Variants in FAR2 observed in about 807,000 individuals in gnomAD.
FAR2 encodes fatty acyl-CoA reductase 2.
Under a neutral mutation model 56.0 loss-of-function variants are expected in FAR2, and 19 were observed. The ratio of observed to expected loss-of-function variants is 0.34; its 90% CI spans 0.24 to 0.50. The LOEUF is 0.50. Among genes scored for constraint, FAR2 ranks in the 20% least tolerant of loss-of-function variants. FAR2 has a pLI of 0.98. For synonymous variants in FAR2, 219 were observed against 218.8 expected, an observed-to-expected ratio of 1.00 and a Z score of -0.01; for missense variants, 508 against 642.2, an observed-to-expected ratio of 0.79 and a Z score of 2.26.
chr12:29,203,310 T>C (rs7137556), intron 1 of FAR2, among the ~76,000 whole-genome samples: 41,362 of 152,100 alleles, frequency 0.27, 5,917 homozygotes, highest in East Asian at 0.5. Context: ...CCTACCACAG[T>C]GTAACTGCTT....
intron 1 of FAR2, among the ~76,000 whole-genome samples, chr12:29,217,991 G>GAGA (rs1279073893): frequency 6.6e-6 from 1 of 152,036 alleles, no homozygotes; most frequent in Non-Finnish European, 1.5e-5. Context: ...CAAAGAGGAG[G>GAGA]AGGAGGAGGA....
intron 4 of FAR2, among the ~76,000 whole-genome samples, chr12:29,306,195 T>C (rs1445775792): frequency 1.3e-5 from 2 of 152,140 alleles, no homozygotes; most frequent in East Asian, 1.9e-4. Context: ...CAGGTGACCA[T>C]ATAATTAAAA....
intron 1 of FAR2, among the ~76,000 whole-genome samples, chr12:29,238,323 A>G (rs1947972707): frequency 6.6e-6 from 1 of 152,176 alleles, no homozygotes; most frequent in South Asian, 2.1e-4. Context: ...TTTTAACACT[A>G]AGATACCCAA....
At chr12:29,236,732 G>A (rs1947949115) in intron 1 of FAR2, among the ~76,000 whole-genome samples, 1 of 151,750 alleles carries the variant, frequency 6.6e-6, no homozygotes, top group South Asian at 2.1e-4. Flanking sequence ...TACAATTCCA[G>A]ATGAGATTTG....
At chr12:29,195,928 C>T (rs1383121456) in intron 1 of FAR2, among the ~76,000 whole-genome samples, 1 of 152,138 alleles carries the variant, frequency 6.6e-6, no homozygotes, top group African/African-American at 2.4e-5. Context: ...TTATTTACTT[C>T]CCACTTATAA....
intron 5 of FAR2, among the ~76,000 whole-genome samples, chr12:29,308,715 C>CATATATATATATAT (rs1416754268): frequency 2.3e-5 from 3 of 129,564 alleles, no homozygotes; most frequent in African/African-American, 9.5e-5. Context: ...CACACACACA[C>CATATATATATATAT]ACACATATAT....
chr12:29,307,988 A>C, intron 5 of FAR2, 153 bp downstream of exon 5: 1 of 759,298 alleles, frequency 1.3e-6, no homozygotes, highest in Non-Finnish European at 2.0e-6. Context: ...GCAAAATTCC[A>C]CTTTGGGTTC....
chr12:29,325,680 T>C (rs1157711199), intron 10 of FAR2, among the ~76,000 whole-genome samples: 1 of 152,066 alleles, frequency 6.6e-6, no homozygotes, highest in Non-Finnish European at 1.5e-5. Context: ...AAGGCAGAAA[T>C]AAAGACATTC....
intron 1 of FAR2, among the ~76,000 whole-genome samples, chr12:29,253,778 T>C (rs527376215): frequency 1.3e-5 from 2 of 152,316 alleles, no homozygotes; most frequent in South Asian, 4.1e-4. Context: ...CAAACAATAT[T>C]AACAACAGCT....
chr12:29,297,057 G>A lies in FAR2; in HGVS notation c.402G>A (p.Gln134=). The A allele has an allele frequency of 6.2e-7, 1 of 1,610,676 alleles. No individual in the cohort carries two copies. Among genetic ancestry groups the A allele is most frequent in the Non-Finnish European group, 8.5e-7 (1 of 1,178,888 alleles). ...AVQLNVTATR[Q]LLLMASQMPK... ...AACTTAACGTCACTGCCACCCGGCA[G>A]CTCTTGCTTATGGCTAGTCAGATGC... The change falls in exon 4 of 12, where the codon CAG becomes CAA. Residue 134 remains glutamine (Q), a synonymous_variant. Coordinates refer to ENST00000536681, the MANE Select transcript of FAR2 (RefSeq NM_001271783.2).
intron 2 of FAR2, among the ~76,000 whole-genome samples, chr12:29,274,013 G>T (rs954990257): frequency 2.6e-5 from 4 of 152,042 alleles, no homozygotes; most frequent in Non-Finnish European, 5.9e-5. Context: ...TCTGTTGCTG[G>T]CGAAGGATTC....
intron 1 of FAR2, among the ~76,000 whole-genome samples, chr12:29,176,392 G>A (rs1345252406): frequency 6.6e-6 from 1 of 152,190 alleles, no homozygotes; most frequent in Admixed American, 6.5e-5. Flanking sequence ...GTTTGAATGA[G>A]AACAGTGAAA....
chr12:29,187,000 G>A (rs1324913352), intron 1 of FAR2, among the ~76,000 whole-genome samples: 1 of 152,082 alleles, frequency 6.6e-6, no homozygotes, highest in Non-Finnish European at 1.5e-5. Context: ...GTGTTAGCCA[G>A]GATGGTCTCG....
chr12:29,196,763 T>A (rs907561192), intron 1 of FAR2, among the ~76,000 whole-genome samples: 1 of 151,904 alleles, frequency 6.6e-6, no homozygotes, highest in African/African-American at 2.4e-5. Context: ...ATAGACAAAT[T>A]GGATTTGATT....
intron 10 of FAR2, 49 bp from the exon 11 acceptor site, chr12:29,332,551 C>G (rs763195132): frequency 6.2e-7 from 1 of 1,607,644 alleles, no homozygotes; most frequent in Non-Finnish European, 8.5e-7. Context: ...GACAAAGTGA[C>G]TGTCCAGCAC....
chr12:29,172,324 T>C (rs1949895820), intron 1 of FAR2, among the ~76,000 whole-genome samples: 1 of 152,256 alleles, frequency 6.6e-6, no homozygotes, highest in African/African-American at 2.4e-5. Context: ...TTGTGTGTGA[T>C]CTTTTCTGTC....
chr12:29,194,130 T>C (rs1950124932), intron 1 of FAR2, among the ~76,000 whole-genome samples: 1 of 152,158 alleles, frequency 6.6e-6, no homozygotes, highest in Non-Finnish European at 1.5e-5. Context: ...GTAGAACTGT[T>C]CCTTCAAATG....
chr12:29,231,739 G>A (rs2216855), intron 1 of FAR2, among the ~76,000 whole-genome samples: 5 of 152,118 alleles, frequency 3.3e-5, no homozygotes, highest in South Asian at 2.1e-4. Flanking sequence ...AAAATGATGC[G>A]TGCAGATACT....
At chr12:29,215,057 C>T (rs1947606465) in intron 1 of FAR2, among the ~76,000 whole-genome samples, 1 of 152,042 alleles carries the variant, frequency 6.6e-6, no homozygotes, top group South Asian at 2.1e-4. Flanking sequence ...GGCAAAATCT[C>T]TGAGGCAGAA....
Sources: gnomAD v4.1 joint callset for allele counts (sites outside exome capture counted in the v4.1 genomes callset) on GRCh38, gnomAD v4.1.1 for gene constraint, MANE v1.5 for transcripts, NCBI Gene and HGNC (gene_info 2026-07-23, HGNC 2026-07-21) for gene names.